Variants in PRKN observed in about 807,000 individuals in gnomAD.
PRKN encodes parkin RBR E3 ubiquitin protein ligase.
In PRKN, 56 loss-of-function variants were observed where a neutral mutation model predicts 59.5. That is an observed-to-expected ratio of 0.94 (90% CI 0.76 to 1.18). The LOEUF (loss-of-function observed/expected upper bound fraction) is 1.18. PRKN is among the 50% of genes most tolerant of loss of function. PRKN has a pLI of 0.00. For synonymous variants in PRKN, 250 were observed against 222.1 expected (o/e 1.13, Z -1.12); for missense variants, 657 against 596.4 (o/e 1.10, Z -1.06).
At chr6:161,500,349 C>T (rs150924264) in intron 9 of PRKN, among the ~76,000 whole-genome samples, 31 of 152,276 alleles carry the variant, frequency 2.0e-4, no homozygotes, top group African/African-American at 7.2e-4. Context: ...AGGTTCACTC[C>T]TGGTGCTGTA....
At chr6:162,167,134 T>C (rs11962983) in intron 4 of PRKN, among the ~76,000 whole-genome samples, 6 of 152,210 alleles carry the variant, frequency 3.9e-5, no homozygotes, top group Non-Finnish European at 7.3e-5. Context: ...ATTTAAAATG[T>C]AGAATTCCAT....
At chr6:162,059,246 C>G (rs1777996645) in intron 4 of PRKN, among the ~76,000 whole-genome samples, 1 of 152,140 alleles carries the variant, frequency 6.6e-6, no homozygotes, top group South Asian at 2.1e-4. Context: ...ACACATTCTT[C>G]TTGATTTCAA....
At chr6:161,567,333 CCACCA>C (rs1780693716) in intron 8 of PRKN, among the ~76,000 whole-genome samples, 1 of 152,152 alleles carries the variant, frequency 6.6e-6, no homozygotes, top group African/African-American at 2.4e-5. Context: ...CAGGTGTGAG[CCACCA>C]CACCTGAGTG....
chr6:162,553,561 C>G (rs1243998785), intron 1 of PRKN, among the ~76,000 whole-genome samples: 1 of 125,138 alleles, frequency 8.0e-6, no homozygotes, highest in African/African-American at 2.8e-5. Flanking sequence ...AAAAAAACAC[C>G]CTAAAGCTTC....
At chr6:161,747,767 C>A (rs1045297643) in intron 7 of PRKN, among the ~76,000 whole-genome samples, 1 of 152,120 alleles carries the variant, frequency 6.6e-6, no homozygotes, top group Non-Finnish European at 1.5e-5. Flanking sequence ...CTCTAAGCAC[C>A]TTGGTGTTTT....
Position 162,225,904 on chromosome 6 carries a change from A to ATATATATG in PRKN, c.413-24653_413-24652insCATATATA, listed in dbSNP as rs916881913. 4.3e-4 allele frequency among the ~76,000 whole-genome samples: 64 copies of ATATATATG among 148,884 alleles called. 1 individual carries two copies. In the South Asian group the frequency reaches 0.013, roughly 30 times the overall value. ...TAGGGCTGTATATATATATATATAT[A>ATATATATG]TACTTTTGTTATATATTTATACTTC... On this transcript the variant is annotated intron_variant, in intron 3 of 11. Coordinates refer to ENST00000366898, the MANE Select transcript of PRKN (RefSeq NM_004562.3).
intron 1 of PRKN, among the ~76,000 whole-genome samples, chr6:162,653,195 TTAA>T (rs1184190672): frequency 1.3e-5 from 2 of 152,196 alleles, no homozygotes; most frequent in Admixed American, 1.3e-4. Flanking sequence ...TACAAACAGT[TTAA>T]TGAGACTGGA....
intron 2 of PRKN, among the ~76,000 whole-genome samples, chr6:162,435,783 C>G (rs572467193): frequency 1.3e-5 from 2 of 152,288 alleles, no homozygotes; most frequent in African/African-American, 4.8e-5. Flanking sequence ...ATCTCATTTA[C>G]ATGACCAATC....
chr6:161,441,102 G>A (rs1488186726), intron 9 of PRKN, among the ~76,000 whole-genome samples: 5 of 152,152 alleles, frequency 3.3e-5, no homozygotes, highest in African/African-American at 1.2e-4. Flanking sequence ...GTCAAATAAA[G>A]TCAGAAAGGG....
At chr6:161,675,245 C>T (rs1785044600) in intron 7 of PRKN, among the ~76,000 whole-genome samples, 1 of 152,092 alleles carries the variant, frequency 6.6e-6, no homozygotes, top group Admixed American at 6.6e-5. Flanking sequence ...GGCCTACAAC[C>T]TCAGAGGAAA....
intron 1 of PRKN, among the ~76,000 whole-genome samples, chr6:162,498,433 CTTTTTCTTTTTTTTTTTTT>C (rs1793191204): frequency 1.2e-4 from 2 of 16,380 alleles, no homozygotes; most frequent in African/African-American, 2.2e-4. Flanking sequence ...AGTTTCTTTC[CTTTTTCTTTTTTTTTTTTT>C]TTTTTTTTTT....
At chr6:162,252,455 C>T (rs2128096470) in intron 3 of PRKN, among the ~76,000 whole-genome samples, 1 of 152,332 alleles carries the variant, frequency 6.6e-6, no homozygotes, top group South Asian at 2.1e-4. Context: ...TCTCCCACTG[C>T]TATGGTCTGA....
At chr6:162,069,321 G>A (rs1006211976) in intron 4 of PRKN, among the ~76,000 whole-genome samples, 3 of 152,034 alleles carry the variant, frequency 2.0e-5, no homozygotes, top group Admixed American at 6.6e-5. Context: ...TTCACCTCAC[G>A]CCATGATTCT....
intron 5 of PRKN, among the ~76,000 whole-genome samples, chr6:162,031,650 C>T (rs1248658999): frequency 6.6e-6 from 1 of 151,510 alleles, no homozygotes; most frequent in Non-Finnish European, 1.5e-5. Flanking sequence ...ATTCTTCTTG[C>T]CTCCTGAGTA....
Position 161,413,280 on chromosome 6 carries a change from T to G in PRKN, c.1084-26403A>C, listed in dbSNP as rs981132021. On this transcript the variant is annotated intron_variant, in intron 9 of 11. Transcript: ENST00000366898. The surrounding 1 kb of genome is among the most constrained non-coding windows in gnomAD (Gnocchi z 4.4). ...GGGTCTGTAAGACTCCCCGTGACAT[T>G]CCTGTTCCTTGTTCCACTGCCAGGG... Among the ~76,000 whole-genome samples the G allele has an allele frequency of 8.5e-5, 13 of 152,086 alleles. No homozygotes were observed. The highest frequency in any genetic ancestry group is 3.1e-4 in the African/African-American group (13 of 41,386).
chr6:161,540,133 G>A (rs146173467), intron 9 of PRKN, among the ~76,000 whole-genome samples: 2,268 of 152,248 alleles, frequency 0.015, 59 homozygotes, highest in African/African-American at 0.051. Context: ...CCTTAGGATT[G>A]TTCTCACTGT....
At chr6:161,632,949 G>A (rs1259576178) in intron 7 of PRKN, among the ~76,000 whole-genome samples, 1 of 152,200 alleles carries the variant, frequency 6.6e-6, no homozygotes, top group Non-Finnish European at 1.5e-5. Context: ...AATTCAAGAT[G>A]AGATTTGGGT....
At chr6:161,910,665 C>G (rs1778325879) in intron 6 of PRKN, among the ~76,000 whole-genome samples, 1 of 152,184 alleles carries the variant, frequency 6.6e-6, no homozygotes, top group South Asian at 2.1e-4. Context: ...AGAATGCTAT[C>G]AAACAGCATC....
intron 6 of PRKN, among the ~76,000 whole-genome samples, chr6:161,847,591 G>C (rs1793252894): frequency 8.1e-6 from 1 of 124,008 alleles, no homozygotes; most frequent in Non-Finnish European, 1.7e-5. Context: ...TTTAGTCTTT[G>C]CCTTTTTTTT....
Sources: gnomAD v4.1 joint callset for allele counts (sites outside exome capture counted in the v4.1 genomes callset) on GRCh38, gnomAD v4.1.1 for gene constraint, Gnocchi (gnomAD v3.1) non-coding constraint, MANE v1.5 for transcripts, NCBI Gene and HGNC (gene_info 2026-07-23, HGNC 2026-07-21) for gene names.